The following SUGCT variants were observed in gnomAD, a reference collection of about 807,000 sequenced individuals.
SUGCT encodes succinyl-CoA:glutarate-CoA transferase, also known as succinyl-CoA:glutarate CoA-transferase.
A neutral mutation model predicts 55.0 loss-of-function variants in SUGCT; 41 were observed. The ratio of observed to expected loss-of-function variants is 0.74; its 90% CI spans 0.58 to 0.97. The LOEUF is 0.97. Among genes scored for constraint, SUGCT ranks in the 50% least tolerant of loss-of-function variants. The pLI is 0.00. For synonymous variants in SUGCT, 187 were observed against 200.4 expected, an observed-to-expected ratio of 0.93 and a Z score of 0.56; for missense variants, 568 against 547.8, an observed-to-expected ratio of 1.04 and a Z score of -0.37.
At chr7:40,963,932 A>G in the SUGCT span, among the ~76,000 whole-genome samples, 8 of 152,328 alleles carry the variant, frequency 5.3e-5, no homozygotes, top group Non-Finnish European at 1.0e-4. Context: ...AATTAAGACC[A>G]TCATCAGAAG....
At chr7:40,853,096 A>T (rs1793937688) in intron 13 of SUGCT, among the ~76,000 whole-genome samples, 1 of 151,730 alleles carries the variant, frequency 6.6e-6, no homozygotes. Context: ...AAAAAGAAAG[A>T]AAGTAAATTC....
the SUGCT span, among the ~76,000 whole-genome samples, chr7:40,871,712 G>A: frequency 2.2e-5 from 3 of 134,672 alleles, no homozygotes; most frequent in African/African-American, 5.8e-5. Context: ...TGGTATTCAC[G>A]TCTTTCAGTG....
chr7:41,024,968 A>T, the SUGCT span, among the ~76,000 whole-genome samples: 8 of 152,258 alleles, frequency 5.3e-5, no homozygotes, highest in African/African-American at 1.9e-4. Flanking sequence ...GAGCTTACTA[A>T]ATAGCAGTTA....
the SUGCT span, among the ~76,000 whole-genome samples, chr7:40,881,738 C>A: frequency 6.6e-6 from 1 of 152,196 alleles, no homozygotes; most frequent in South Asian, 2.1e-4. Context: ...TTCTACCACA[C>A]AGTGTGGTTC....
chr7:40,391,915 A>G (rs1285105443), intron 9 of SUGCT, among the ~76,000 whole-genome samples: 1 of 152,236 alleles, frequency 6.6e-6, no homozygotes, highest in Non-Finnish European at 1.5e-5. Context: ...CTGGATTAAG[A>G]AAATATGACA....
chr7:40,688,135 T>A (rs535128650), intron 12 of SUGCT, among the ~76,000 whole-genome samples: 72 of 152,312 alleles, frequency 4.7e-4, no homozygotes, highest in Middle Eastern at 3.4e-3. Context: ...TAATTATTAG[T>A]CCTTTGATAA....
chr7:40,469,513 T>C (rs1790295972), intron 11 of SUGCT, among the ~76,000 whole-genome samples: 1 of 152,190 alleles, frequency 6.6e-6, no homozygotes, highest in Admixed American at 6.5e-5. Context: ...TACTATAAAA[T>C]CAGCCCGGAG....
At chr7:40,694,995 G>C (rs548558886) in intron 12 of SUGCT, among the ~76,000 whole-genome samples, 1 of 152,116 alleles carries the variant, frequency 6.6e-6, no homozygotes, top group East Asian at 1.9e-4. Context: ...TATCCCCTTT[G>C]TTTTATGATG....
chr7:40,808,774 T>G (rs1335759757), intron 13 of SUGCT, among the ~76,000 whole-genome samples: 1 of 152,222 alleles, frequency 6.6e-6, no homozygotes, highest in Non-Finnish European at 1.5e-5. Flanking sequence ...TCTTGGAGAT[T>G]TTATGAGAAA....
the SUGCT span, among the ~76,000 whole-genome samples, chr7:40,953,520 G>T: frequency 1.3e-5 from 2 of 152,218 alleles, no homozygotes; most frequent in African/African-American, 2.4e-5. Context: ...TGGAGGAGGA[G>T]AGGTCTTCTG....
intron 12 of SUGCT, among the ~76,000 whole-genome samples, chr7:40,515,638 G>C (rs1458840596): frequency 6.6e-6 from 1 of 152,198 alleles, no homozygotes; most frequent in African/African-American, 2.4e-5. Context: ...GTTGTAGCAT[G>C]TATCAGTACT....
intron 10 of SUGCT, among the ~76,000 whole-genome samples, chr7:40,450,158 C>T (rs1469633740): frequency 6.6e-6 from 1 of 152,022 alleles, no homozygotes; most frequent in Non-Finnish European, 1.5e-5. Flanking sequence ...GAACTCCTGA[C>T]CTCAAGCGAC....
intron 12 of SUGCT, among the ~76,000 whole-genome samples, chr7:40,575,122 G>C (rs562886122): frequency 6.7e-5 from 10 of 149,504 alleles, no homozygotes; most frequent in African/African-American, 2.5e-4. Flanking sequence ...AGGGTGGCGG[G>C]GGTGGGGGTG....
chr7:40,775,517 C>G (rs888312392), intron 13 of SUGCT: 2 of 152,180 alleles, frequency 1.3e-5, no homozygotes, highest in African/African-American at 4.8e-5. Flanking sequence ...GTTTTAGAAA[C>G]ATTATTTCAT....
chr7:40,431,023 C>T (rs1345343759), intron 9 of SUGCT, among the ~76,000 whole-genome samples: 1 of 150,154 alleles, frequency 6.7e-6, no homozygotes, highest in African/African-American at 2.5e-5. Context: ...GAGGCTGAAG[C>T]ACGAGAATCT....
At position 40,645,969 on chromosome 7, in the gene SUGCT, A is replaced by T. The variant is rs115959119; in HGVS notation, c.1090-103465A>T. Among the ~76,000 whole-genome samples the T allele has an allele frequency of 3.1e-3, 476 of 152,230 alleles. 1 individual carries two copies. Among genetic ancestry groups the T allele is most frequent in the African/African-American group, 0.01 (431 of 41,528 alleles). ...CTTTTCATCTCCATTGGGATACTGG[A>T]TGTGCAGGTATTTCAGTTACCACAT... On this transcript the variant is annotated intron_variant, in intron 12 of 13. Transcript: ENST00000335693.
chr7:40,249,622 G>T (rs1466401426), intron 7 of SUGCT, among the ~76,000 whole-genome samples: 1 of 151,632 alleles, frequency 6.6e-6, no homozygotes, highest in East Asian at 1.9e-4. Context: ...ACTAACAAAA[G>T]AGGTTAAATA....
At chr7:40,878,781 G>T in the SUGCT span, among the ~76,000 whole-genome samples, 1 of 151,392 alleles carries the variant, frequency 6.6e-6, no homozygotes, top group African/African-American at 2.4e-5. Flanking sequence ...ACTTGAGAAT[G>T]AAGCTTTCTC....
At chr7:40,295,732 A>G (rs1012076560) in intron 8 of SUGCT, among the ~76,000 whole-genome samples, 17 of 152,234 alleles carry the variant, frequency 1.1e-4, no homozygotes, top group Non-Finnish European at 2.4e-4. Context: ...TAGTTATGTC[A>G]TAATGTAAAC....
Sources: allele counts gnomAD v4.1 joint callset (sites outside exome capture counted in the v4.1 genomes callset), GRCh38; gene constraint gnomAD v4.1.1; transcripts MANE v1.5; gene names NCBI Gene and HGNC (gene_info 2026-07-23, HGNC 2026-07-21).